Variants in LRFN5 observed in about 807,000 individuals in gnomAD.
LRFN5 encodes leucine rich repeat and fibronectin type III domain containing 5, also known as leucine-rich repeat and fibronectin type-III domain-containing protein 5.
In LRFN5, 24 loss-of-function variants were observed where a neutral mutation model predicts 45.6. That is an observed-to-expected ratio of 0.53 (90% CI 0.38 to 0.74). The LOEUF is 0.74. Ranked by LOEUF, LRFN5 falls within the 30% of genes least tolerant of loss-of-function variation. LRFN5 has a pLI of 0.00. For synonymous variants in LRFN5, 340 were observed against 313.8 expected, an observed-to-expected ratio of 1.08 and a Z score of -0.88; for missense variants, 776 against 861.5, an observed-to-expected ratio of 0.90 and a Z score of 1.24.
chr14:41,837,984 T>C (rs767430141), intron 2 of LRFN5, among the ~76,000 whole-genome samples: 55 of 152,314 alleles, frequency 3.6e-4, no homozygotes, highest in Middle Eastern at 3.4e-3. Flanking sequence ...AGACTATATT[T>C]AGTATCTGGA....
intron 2 of LRFN5, among the ~76,000 whole-genome samples, chr14:41,786,481 T>C (rs138236035): frequency 6.6e-6 from 1 of 152,050 alleles, no homozygotes; most frequent in African/African-American, 2.4e-5. Context: ...CATTCTTAGT[T>C]ATGTTCTTCT....
chr14:41,773,861 AATAAAAATT>A (rs1381860740), intron 2 of LRFN5, among the ~76,000 whole-genome samples: 1 of 152,182 alleles, frequency 6.6e-6, no homozygotes, highest in Non-Finnish European at 1.5e-5. Context: ...GTCTCTTTTA[AATAAAAATT>A]ATAAAAACTA....
chr14:41,660,121 G>A (rs538957760), intron 1 of LRFN5, among the ~76,000 whole-genome samples: 2 of 151,974 alleles, frequency 1.3e-5, no homozygotes, highest in South Asian at 2.1e-4. Flanking sequence ...TGCTTACTGG[G>A]TTCAAAGGAT....
At chr14:41,863,391 C>T (rs191701009) in intron 2 of LRFN5, among the ~76,000 whole-genome samples, 1 of 151,862 alleles carries the variant, frequency 6.6e-6, no homozygotes, top group Non-Finnish European at 1.5e-5. Context: ...CCTTATTTTC[C>T]AAAAAATGTC....
intron 2 of LRFN5, among the ~76,000 whole-genome samples, chr14:41,864,290 C>T (rs554737595): frequency 2.0e-5 from 3 of 152,106 alleles, no homozygotes; most frequent in African/African-American, 4.8e-5. Flanking sequence ...TCCCGCCAAC[C>T]GTGTCAAAGT....
At chr14:41,789,641 G>A (rs550926383) in intron 2 of LRFN5, among the ~76,000 whole-genome samples, 1 of 152,004 alleles carries the variant, frequency 6.6e-6, no homozygotes, top group South Asian at 2.1e-4. Flanking sequence ...CTCTCAAAAA[G>A]TACACTCTGC....
At chr14:41,783,415 C>G (rs1886605978) in intron 2 of LRFN5, among the ~76,000 whole-genome samples, 1 of 152,068 alleles carries the variant, frequency 6.6e-6, no homozygotes, top group Non-Finnish European at 1.5e-5. Flanking sequence ...TTTCTTGTAT[C>G]TTCAGTTATC....
chr14:41,842,858 A>G (rs1039237527), intron 2 of LRFN5, among the ~76,000 whole-genome samples: 1 of 152,078 alleles, frequency 6.6e-6, no homozygotes, highest in Non-Finnish European at 1.5e-5. Context: ...TGATTTCAAC[A>G]TTACCTAATG....
chr14:41,814,585 C>A (rs568064168), intron 2 of LRFN5, among the ~76,000 whole-genome samples: 6 of 152,190 alleles, frequency 3.9e-5, no homozygotes, highest in African/African-American at 1.4e-4. Flanking sequence ...GGCCTTATTT[C>A]TTGAGTATTA....
intron 1 of LRFN5, among the ~76,000 whole-genome samples, chr14:41,747,418 A>T (rs1010725928): frequency 6.6e-6 from 1 of 152,008 alleles, no homozygotes; most frequent in African/African-American, 2.4e-5. Flanking sequence ...AAGGTTGCCA[A>T]CACCATTCAG....
chr14:41,726,348 G>A (rs905631395), intron 1 of LRFN5, among the ~76,000 whole-genome samples: 1 of 152,050 alleles, frequency 6.6e-6, no homozygotes, highest in African/African-American at 2.4e-5. Flanking sequence ...ACTTTCCTAA[G>A]TTATAATTTG....
At chr14:41,823,296 C>G (rs117807250) in intron 2 of LRFN5, among the ~76,000 whole-genome samples, 1 of 152,014 alleles carries the variant, frequency 6.6e-6, no homozygotes, top group East Asian at 1.9e-4. Context: ...CATGTTTAGA[C>G]GTCCTTTGAT....
intron 1 of LRFN5, among the ~76,000 whole-genome samples, chr14:41,611,504 T>C (rs1254484143): frequency 6.6e-6 from 1 of 152,212 alleles, no homozygotes; most frequent in Non-Finnish European, 1.5e-5. Flanking sequence ...TCCTTCTTTG[T>C]AAGCCCTCTT....
At chr14:41,614,645 GA>G (rs1195392445) in intron 1 of LRFN5, among the ~76,000 whole-genome samples, 1 of 151,986 alleles carries the variant, frequency 6.6e-6, no homozygotes, top group African/African-American at 2.4e-5. Context: ...GCAGTAGTTA[GA>G]AAAAGGAACT....
intron 1 of LRFN5, among the ~76,000 whole-genome samples, chr14:41,674,403 C>T (rs925068839): frequency 1.5e-3 from 195 of 129,924 alleles, no homozygotes; most frequent in Non-Finnish European, 2.4e-3. Context: ...CCCTCCCGGA[C>T]GGGGCGGCTG....
intron 2 of LRFN5, among the ~76,000 whole-genome samples, chr14:41,872,948 T>A (rs1382221167): frequency 6.6e-6 from 1 of 152,246 alleles, no homozygotes; most frequent in African/African-American, 2.4e-5. Flanking sequence ...ATTCTGTTTT[T>A]TCACTAAACT....
intron 1 of LRFN5, among the ~76,000 whole-genome samples, chr14:41,742,316 C>CAT (rs1036402677): frequency 8.0e-6 from 1 of 125,152 alleles, no homozygotes; most frequent in Non-Finnish European, 1.6e-5. Context: ...TGTGTATACA[C>CAT]ACACACACAC....
chr14:41,647,281 C>T (rs922645760), intron 1 of LRFN5, among the ~76,000 whole-genome samples: 6 of 152,156 alleles, frequency 3.9e-5, no homozygotes, highest in African/African-American at 1.2e-4. Flanking sequence ...TACTCCTTGT[C>T]TAGGCCCCAT....
At chr14:41,897,103 A>C (rs1198844961) in intron 4 of LRFN5, among the ~76,000 whole-genome samples, 1 of 148,502 alleles carries the variant, frequency 6.7e-6, no homozygotes, top group African/African-American at 2.4e-5. Context: ...TAAATAAATA[A>C]ATAAATAAAT....
Sources: gnomAD v4.1 joint callset for allele counts (sites outside exome capture counted in the v4.1 genomes callset) on GRCh38, gnomAD v4.1.1 for gene constraint, MANE v1.5 for transcripts, NCBI Gene and HGNC (gene_info 2026-07-23, HGNC 2026-07-21) for gene names.